Variants in GSAP observed in about 807,000 individuals in gnomAD.
GSAP encodes the protein gamma-secretase-activating protein.
In GSAP, 118 loss-of-function variants were observed where a neutral mutation model predicts 131.7. That is an observed-to-expected ratio of 0.90 (90% confidence interval 0.77 to 1.04). The LOEUF is 1.04. GSAP is among the 50% of genes least tolerant of loss of function. The probability of loss-of-function intolerance (pLI) is 0.00; values close to 1 mark genes in which losing one functional copy is unlikely to be tolerated. For missense variants in GSAP, 1,019 were observed against 1,013.2 expected, an observed-to-expected ratio of 1.01 and a Z score of -0.08; for synonymous variants, 381 against 363.4, an observed-to-expected ratio of 1.05 and a Z score of -0.55.
intron 3 of GSAP, among the ~76,000 whole-genome samples, chr7:77,403,907 T>C (rs1324992538): frequency 6.6e-6 from 1 of 152,194 alleles, no homozygotes; most frequent in East Asian, 1.9e-4. Flanking sequence ...AAAATAAAGT[T>C]GGTATTCCCA....
chr7:77,396,164 T>C (rs1336532183), intron 5 of GSAP, among the ~76,000 whole-genome samples: 2 of 152,000 alleles, frequency 1.3e-5, no homozygotes, highest in African/African-American at 4.8e-5. Flanking sequence ...CCATGGGGCA[T>C]CCCTACCCTA....
intron 14 of GSAP, 140 bp from the exon 15 acceptor site, chr7:77,355,787 G>GTTTTTGTTTT (rs1554401704): frequency 3.6e-6 from 1 of 274,572 alleles, no homozygotes; most frequent in African/African-American, 3.3e-5. Flanking sequence ...ATGACAGCCC[G>GTTTTTGTTTT]TTTTTTTTTT....
chr7:77,405,917 TATTC>T, intron 2 of GSAP, 108 bp downstream of exon 2: 1 of 379,144 alleles, frequency 2.6e-6, no homozygotes, highest in Non-Finnish European at 4.4e-6. Context: ...CCAACAAGTT[TATTC>T]ATTACCCTTC....
At chr7:77,406,759 C>T (rs181698981) in intron 1 of GSAP, among the ~76,000 whole-genome samples, 3 of 152,176 alleles carry the variant, frequency 2.0e-5, no homozygotes, top group Admixed American at 6.5e-5. Context: ...TCTTCACTAT[C>T]GAGGGACCCT....
chr7:77,351,089 T>C (rs965320657), intron 18 of GSAP: 7 of 964,630 alleles, frequency 7.3e-6, no homozygotes, highest in Middle Eastern at 1.1e-3. Context: ...ATATAGAATA[T>C]TCCTGTAAAA....
At chr7:77,381,283 G>T in intron 8 of GSAP, 22 bp downstream of exon 8, 1 of 1,456,194 alleles carries the variant, frequency 6.9e-7, no homozygotes, top group Non-Finnish European at 9.4e-7. Flanking sequence ...CCTATGAAGC[G>T]AAAAGAATTT....
intron 12 of GSAP, among the ~76,000 whole-genome samples, chr7:77,369,468 T>C (rs575631488): frequency 6.6e-6 from 1 of 152,224 alleles, no homozygotes; most frequent in Non-Finnish European, 1.5e-5. Flanking sequence ...TATTTCTTAG[T>C]GCTGGGAAAT....
Position 77,377,237 on chromosome 7 carries a change from T to TAG in GSAP, c.681+48_681+49insCT, listed in dbSNP as rs1554415260. 3.9e-5 allele frequency: 35 copies of TAG among 894,436 alleles called. 1 individual carries two copies. Among genetic ancestry groups the TAG allele is most frequent in the African/African-American group, 5.2e-5 (2 of 38,582 alleles). The allele number at this position is 894,436 out of a possible 1,614,324, so 55.4% of individuals were successfully genotyped here. On this transcript the variant is annotated intron_variant, in intron 9 of 30. Transcript: ENST00000257626. ...GTCTCTAAAAAAATTAATATTTTTG[T>TAG]AAAAAAAAAAAAAAAAAAAAAGGAG...
rs372223494 is a variant in GSAP, at chr7:77,388,434, CACTT to C, written c.368-990_368-987del. On this transcript the variant is annotated intron_variant, in intron 5 of 30. Transcript: ENST00000257626. ...CAGTGGTATAGCACTGATAATGACC[CACTT>C]ACTTCTTCAGTGTCACATCTGAGCA... is the stretch of plus-strand genomic sequence containing the variant. 1.6e-3 allele frequency among the ~76,000 whole-genome samples: 239 copies of C among 152,266 alleles called. 1 individual carries two copies. The South Asian group carries it at 0.016, about 10-fold the overall frequency.
At chr7:77,398,778 A>C (rs1348934138) in intron 3 of GSAP, among the ~76,000 whole-genome samples, 1 of 152,122 alleles carries the variant, frequency 6.6e-6, no homozygotes, top group Non-Finnish European at 1.5e-5. Flanking sequence ...AAACAAAAAA[A>C]AAGGTCAAAA....
At chr7:77,376,775 CAAAAA>C (rs10649095) in intron 10 of GSAP, 68 bp downstream of exon 10, 1,050 of 451,332 alleles carry the variant, frequency 2.3e-3, no homozygotes, top group Middle Eastern at 4.0e-3. Context: ...GACTCCATCT[CAAAAA>C]AAAAAAAAAA....
At chr7:77,351,889 G>A (rs1408002285) in intron 18 of GSAP, among the ~76,000 whole-genome samples, 6 of 152,190 alleles carry the variant, frequency 3.9e-5, no homozygotes, top group Non-Finnish European at 5.9e-5. Flanking sequence ...CTCTGGGGTG[G>A]TGTAACCTGC....
intron 28 of GSAP, 38 bp downstream of exon 28, chr7:77,313,450 A>T: frequency 1.8e-6 from 2 of 1,124,602 alleles, no homozygotes; most frequent in Non-Finnish European, 2.7e-6. Context: ...GGGTAATGCC[A>T]AAGCTTAGGG....
Position 77,383,495 on chromosome 7 carries a change from G to A in GSAP, c.457-852C>T, listed in dbSNP as rs150372255. ...TCAAGAAAGAACAGTGAGTCATGGT[G>A]CCACATGAGTTGAGAATTTACAAGT... On this transcript the variant is annotated intron_variant, in intron 6 of 30. Transcript: ENST00000257626. Among the ~76,000 whole-genome samples, 990 of 152,240 alleles carry A rather than the reference G, an allele frequency of 6.5e-3. 5 individuals are homozygous for A. The highest frequency in any genetic ancestry group is 0.012 in the Non-Finnish European group (793 of 68,024).
intron 12 of GSAP, among the ~76,000 whole-genome samples, chr7:77,368,858 G>A (rs1190678673): frequency 6.6e-6 from 1 of 152,198 alleles, no homozygotes; most frequent in South Asian, 2.1e-4. Context: ...AGGTTAGCTG[G>A]TGTTATTCCA....
chr7:77,386,552 A>G (rs1451981401), intron 6 of GSAP, among the ~76,000 whole-genome samples: 1 of 152,220 alleles, frequency 6.6e-6, no homozygotes, highest in East Asian at 1.9e-4. Flanking sequence ...CATGGCCAAC[A>G]GCATAGTAAC....
intron 18 of GSAP, among the ~76,000 whole-genome samples, chr7:77,352,213 G>T (rs982689476): frequency 6.6e-6 from 1 of 152,190 alleles, no homozygotes; most frequent in Middle Eastern, 3.2e-3. Flanking sequence ...CTATGACTGT[G>T]TTATTTAAAT....
intron 3 of GSAP, among the ~76,000 whole-genome samples, chr7:77,402,460 T>C (rs1452183663): frequency 2.0e-5 from 3 of 148,128 alleles, no homozygotes; most frequent in Non-Finnish European, 4.5e-5. Flanking sequence ...CTGGGCGTGG[T>C]GGCACACACC....
At chr7:77,333,832 G>A (rs1471693604) in intron 19 of GSAP, among the ~76,000 whole-genome samples, 2 of 152,232 alleles carry the variant, frequency 1.3e-5, no homozygotes, top group South Asian at 2.1e-4. Context: ...GAGGGGAGGG[G>A]AAGGGAGAGT....
Sources: allele counts gnomAD v4.1 joint callset (sites outside exome capture counted in the v4.1 genomes callset), GRCh38; gene constraint gnomAD v4.1.1; transcripts MANE v1.5; gene names NCBI Gene and HGNC (gene_info 2026-07-23, HGNC 2026-07-21).